Variants in MPP7 observed in about 807,000 individuals in gnomAD.
The protein encoded by MPP7 is MAGUK p55 scaffold protein 7.
A neutral mutation model predicts 76.5 loss-of-function variants in MPP7; 60 were observed. That is an observed-to-expected ratio of 0.78 (90% CI 0.64 to 0.97). The LOEUF (loss-of-function observed/expected upper bound fraction) is 0.97, where lower values mean the gene tolerates loss of function less well. MPP7 is among the 50% of genes least tolerant of loss of function. The probability of loss-of-function intolerance (pLI) is 0.00; values close to 1 mark genes in which losing one functional copy is unlikely to be tolerated. For synonymous variants in MPP7, 237 were observed against 244.5 expected (o/e 0.97, Z 0.29); for missense variants, 641 against 694.0 (o/e 0.92, Z 0.86).
intron 5 of MPP7, among the ~76,000 whole-genome samples, chr10:28,133,910 A>G (rs1157808214): frequency 6.6e-6 from 1 of 152,132 alleles, no homozygotes. Flanking sequence ...TCATTGCTAT[A>G]TAGTTTTACA....
chr10:28,323,308 C>T (rs1473769481), intron 2 of MPP7, among the ~76,000 whole-genome samples: 2 of 151,900 alleles, frequency 1.3e-5, no homozygotes, highest in East Asian at 3.9e-4. Context: ...AATAAATCAG[C>T]TGGGCATGGT....
rs75837671 is a variant in MPP7, at chr10:28,134,028, C to A, written c.316-2337G>T. Among the ~76,000 whole-genome samples, 1,460 of 152,134 alleles carry A rather than the reference C, an allele frequency of 9.6e-3. 35 individuals carry two copies. The highest frequency in any genetic ancestry group is 0.075 in the East Asian group (388 of 5,172). ...TAATGCTGCCATAAATGTTTCATAT[C>A]TTTTGATGCATATATATATGATGTT... is the stretch of plus-strand genomic sequence containing the variant. On this transcript the variant is annotated intron_variant, in intron 5 of 16. Coordinates refer to ENST00000683449, the MANE Select transcript of MPP7 (RefSeq NM_001318170.2).
At chr10:28,271,589 C>A (rs551111445) in intron 1 of MPP7, among the ~76,000 whole-genome samples, 5 of 152,272 alleles carry the variant, frequency 3.3e-5, no homozygotes, top group Non-Finnish European at 5.9e-5. Flanking sequence ...CCTGTTTGTA[C>A]TCCCTGGGAA....
chr10:28,105,344 A>T (rs1238665380), intron 11 of MPP7, among the ~76,000 whole-genome samples: 1 of 152,120 alleles, frequency 6.6e-6, no homozygotes, highest in African/African-American at 2.4e-5. Flanking sequence ...ATATGGATAC[A>T]AAGAAATACT....
intron 2 of MPP7, among the ~76,000 whole-genome samples, chr10:28,238,100 A>G (rs763611370): frequency 2.6e-5 from 4 of 152,116 alleles, no homozygotes; most frequent in Non-Finnish European, 5.9e-5. Flanking sequence ...TATCAATTTC[A>G]GGATAGTTTT....
chr10:28,238,584 T>C lies in MPP7; in HGVS notation c.21A>G (p.Gly7=), dbSNP rs543448080. 554 of 1,614,090 alleles carry C rather than the reference T, an allele frequency of 3.4e-4. 8 individuals are homozygous for C. In the South Asian group the frequency reaches 5.8e-3, roughly 17 times the overall value. MPALST[G]SGSDTGLYEL... is the part of the protein sequence containing the mutation. ...GTCACATACCAGTGTCACTCCCAGA[T>C]CCCGTTGACAAAGCTGGCATGATGC... Residue 7 remains glycine, a synonymous_variant, in exon 2 of 17, where the codon GGA becomes GGG. Transcript: ENST00000683449.
At chr10:28,249,808 G>A (rs537146311) in intron 1 of MPP7, among the ~76,000 whole-genome samples, 2 of 152,238 alleles carry the variant, frequency 1.3e-5, no homozygotes, top group South Asian at 4.1e-4. Context: ...CCTGGTGGGA[G>A]GAGCCTAGCC....
chr10:28,184,278 GAT>G (rs1406885733), intron 3 of MPP7, among the ~76,000 whole-genome samples: 2 of 146,380 alleles, frequency 1.4e-5, no homozygotes, highest in African/African-American at 5.0e-5. Context: ...ATCATGTTAA[GAT>G]ATATATCTTA....
At chr10:28,333,425 G>A (rs999725359) in intron 1 of MPP7, among the ~76,000 whole-genome samples, 12 of 152,162 alleles carry the variant, frequency 7.9e-5, no homozygotes, top group Non-Finnish European at 1.5e-4. Flanking sequence ...GATTACAGGC[G>A]TGAGCCACTG....
intron 2 of MPP7, among the ~76,000 whole-genome samples, chr10:28,209,251 G>T (rs1407809257): frequency 6.6e-6 from 1 of 152,096 alleles, no homozygotes; most frequent in Non-Finnish European, 1.5e-5. Context: ...TATCGCTTGA[G>T]GCCAGGAGCC....
intron 5 of MPP7, among the ~76,000 whole-genome samples, chr10:28,140,930 C>G (rs1835496107): frequency 6.6e-6 from 1 of 152,050 alleles, no homozygotes; most frequent in African/African-American, 2.4e-5. Flanking sequence ...TCAAAGGTCT[C>G]ACAACCCAAA....
chr10:28,096,599 TAAAG>T (rs904747246), intron 11 of MPP7, among the ~76,000 whole-genome samples: 8 of 152,228 alleles, frequency 5.3e-5, no homozygotes, highest in African/African-American at 1.9e-4. Flanking sequence ...ACTGTCATCA[TAAAG>T]AAATTTAAAC....
At chr10:28,205,155 A>T (rs940688647) in intron 2 of MPP7, among the ~76,000 whole-genome samples, 1 of 152,158 alleles carries the variant, frequency 6.6e-6, no homozygotes, top group South Asian at 2.1e-4. Flanking sequence ...AAGAAAAGAC[A>T]GCACAGTGCC....
intron 1 of MPP7, among the ~76,000 whole-genome samples, chr10:28,331,992 T>C (rs1284138847): frequency 1.3e-5 from 2 of 152,198 alleles, no homozygotes; most frequent in East Asian, 3.8e-4. Context: ...AGAAATTGTA[T>C]TTCTGCCCTC....
chr10:28,320,521 G>T (rs1564772016), intron 2 of MPP7, among the ~76,000 whole-genome samples: 1 of 151,928 alleles, frequency 6.6e-6, no homozygotes, highest in East Asian at 1.9e-4. Flanking sequence ...TTTTTACAAT[G>T]ATAGTGAAAA....
chr10:28,152,153 C>A (rs1380868078), intron 3 of MPP7, among the ~76,000 whole-genome samples: 1 of 152,142 alleles, frequency 6.6e-6, no homozygotes, highest in South Asian at 2.1e-4. Flanking sequence ...TTCTTCTGAG[C>A]GTCTTTCACA....
upstream of MPP7, among the ~76,000 whole-genome samples, chr10:28,306,652 A>G: frequency 1.3e-5 from 1 of 79,908 alleles, no homozygotes. Flanking sequence ...TGTCTCTAAA[A>G]TAGATGATAG....
chr10:28,272,198 T>C (rs1431130986), intron 1 of MPP7, among the ~76,000 whole-genome samples: 1 of 152,174 alleles, frequency 6.6e-6, no homozygotes, highest in African/African-American at 2.4e-5. Flanking sequence ...TATTCACCCA[T>C]CTTCAGCCAA....
intron 12 of MPP7, among the ~76,000 whole-genome samples, chr10:28,080,552 G>T (rs1237893535): frequency 1.3e-5 from 2 of 152,046 alleles, no homozygotes; most frequent in African/African-American, 2.4e-5. Flanking sequence ...TATGGTTTTG[G>T]TCCATCTTCT....
Sources: gnomAD v4.1 joint callset for allele counts (sites outside exome capture counted in the v4.1 genomes callset) on GRCh38, gnomAD v4.1.1 for gene constraint, MANE v1.5 for transcripts, NCBI Gene and HGNC (gene_info 2026-07-23, HGNC 2026-07-21) for gene names.